The following FAM161A variants were observed in gnomAD, a reference collection of about 807,000 sequenced individuals.
FAM161A encodes the protein FAM161 centrosomal protein A.
FAM161A carries 57 observed loss-of-function variants against 70.9 expected under a neutral mutation model. The observed-to-expected ratio is 0.80, with a 90% CI of 0.65 to 1.00. The LOEUF (loss-of-function observed/expected upper bound fraction) is 1.00, where lower values mean the gene tolerates loss of function less well. FAM161A is among the 50% of genes least tolerant of loss of function. The pLI is 0.00. For missense variants in FAM161A, 880 were observed against 836.0 expected, an observed-to-expected ratio of 1.05 and a Z score of -0.65; for synonymous variants, 299 against 295.7, an observed-to-expected ratio of 1.01 and a Z score of -0.12.
chr2:61,814,100 G>C, the FAM161A span, among the ~76,000 whole-genome samples: 6 of 151,944 alleles, frequency 3.9e-5, no homozygotes, highest in African/African-American at 1.2e-4. Context: ...ACTCAGTCAG[G>C]GGGCAAAGGG....
chr2:61,836,109 T>C lies in FAM161A; in HGVS notation c.1752A>G (p.Arg584=). The C allele has an allele frequency of 6.3e-7, 1 of 1,599,986 alleles. No homozygotes were observed. The highest frequency in any genetic ancestry group is 1.1e-5 in the South Asian group (1 of 88,920). ...CTCTCATCCTTTCCTTTTCGCTCTT[T>C]CTAAAATTAAAGAAAAGCAATGGAA... is the stretch of plus-strand genomic sequence containing the variant. ...QISKSRVKCL[R]KSEKERMREY... is the part of the protein sequence containing the mutation. The change falls in exon 5 of 7, where the codon AGA becomes AGG. Residue 584 remains arginine, a splice_region_variant and synonymous_variant. Coordinates refer to ENST00000404929, the MANE Select transcript of FAM161A (RefSeq NM_001201543.2).
At chr2:61,802,087 A>T in the FAM161A span, among the ~76,000 whole-genome samples, 13 of 152,346 alleles carry the variant, frequency 8.5e-5, no homozygotes, top group East Asian at 2.5e-3. Context: ...AAACTTATTA[A>T]TCCCTAAAAG....
At chr2:61,803,098 T>C in the FAM161A span, 9 of 401,558 alleles carry the variant, frequency 2.2e-5, no homozygotes, top group East Asian at 1.8e-4. Flanking sequence ...TAGGACACAG[T>C]AACTATCCTA....
the FAM161A span, among the ~76,000 whole-genome samples, chr2:61,818,055 A>G: frequency 2.0e-5 from 3 of 148,018 alleles, no homozygotes; most frequent in South Asian, 6.4e-4. Context: ...TATACCTAAC[A>G]TTCAGATCCT....
In FAM161A at chr2:61,848,913, TATTTA is replaced by T. The variant is rs1673350443; in HGVS notation, c.183+4941_183+4945del. On this transcript the variant is annotated intron_variant, in intron 1 of 6. Coordinates refer to ENST00000404929, the MANE Select transcript of FAM161A (RefSeq NM_001201543.2). ...ATATATATTTATATATATATTTATA[TATTTA>T]TATATATTTATATATATATATTTAT... Among the ~76,000 whole-genome samples, 6 of 1,796 alleles carry T rather than the reference TATTTA, an allele frequency of 3.3e-3. 2 individuals are homozygous for T. The highest frequency in any genetic ancestry group is 0.028 in the African/African-American group (6 of 218). The allele number at this position is 1,796 out of a possible 152,430, so 1.2% of individuals were successfully genotyped here. A position where few individuals can be genotyped will look rare whatever the true frequency, so the allele number is the denominator to read the frequency against.
Position 61,824,864 on chromosome 2 carries a change from T to C in FAM161A, c.*1591A>G, listed in dbSNP as rs1270904744. ...AAAACCATATTCATCTACACACTCATTCAAACCTTTATTAAGTACCTACCA... is the reference window on the plus strand; with the variant it reads ...AAAACCATATTCATCTACACACTCACTCAAACCTTTATTAAGTACCTACCA... On this transcript the variant is annotated 3_prime_UTR_variant, in exon 7 of 7. Coordinates refer to ENST00000404929, the MANE Select transcript of FAM161A (RefSeq NM_001201543.2). The C allele has an allele frequency of 4.8e-6, 2 of 414,990 alleles. No individual in the cohort carries two copies. Among genetic ancestry groups the C allele is most frequent in the East Asian group, 7.0e-5 (1 of 14,316 alleles). 25.7% of individuals were successfully genotyped at this position (414,990 alleles called of 1,614,324 possible).
Position 61,853,823 on chromosome 2 carries a change from T to G in FAM161A, c.183+36A>C. 4 of 1,612,616 alleles carry G rather than the reference T, an allele frequency of 2.5e-6. No individual in the cohort carries two copies. In the South Asian group the frequency reaches 4.4e-5, roughly 18 times the overall value. ...CAGCCCTCAGCCTGCACCCAGCCCA[T>G]GCGAGGTCCCAGCCCAAGTCCCGCC... On this transcript the variant is annotated intron_variant, in intron 1 of 6. Transcript: ENST00000404929.
rs2105084077 is a variant in FAM161A, at chr2:61,840,589, A to C, written c.423-8T>G. 2 of 1,557,916 alleles carry C rather than the reference A, an allele frequency of 1.3e-6. No homozygotes were observed. The highest frequency in any genetic ancestry group is 1.8e-6 in the Non-Finnish European group (2 of 1,129,126). On this transcript the variant is annotated splice_polypyrimidine_tract_variant and splice_region_variant and intron_variant, in intron 2 of 6. Transcript: ENST00000404929. ...TTCTTTTCTGATACAGATCTAAATG[A>C]GAAGAATAACTATGTTATACTTTCA...
At chr2:61,820,158 G>A (rs1672173918), downstream of FAM161A, 5 of 496,948 alleles carry the variant, frequency 1.0e-5, no homozygotes, top group African/African-American at 1.9e-5. Flanking sequence ...GTCCGTGGCC[G>A]CCACCAGGAA....
chr2:61,822,938 C>A (rs1210539213), downstream of FAM161A, among the ~76,000 whole-genome samples: 3 of 152,060 alleles, frequency 2.0e-5, no homozygotes, highest in African/African-American at 7.2e-5. Context: ...GAAATCTTTG[C>A]TATTCTCAAG....
At chr2:61,804,849 G>C in the FAM161A span, among the ~76,000 whole-genome samples, 1 of 141,686 alleles carries the variant, frequency 7.1e-6, no homozygotes, top group Non-Finnish European at 1.5e-5. Flanking sequence ...AAGCAAGGAA[G>C]AAGGGAGGGA....
At position 61,825,596 on chromosome 2, in the gene FAM161A, G is replaced by C. The variant is rs1186584430; in HGVS notation, c.*859C>G. The C allele has an allele frequency of 1.1e-5, 5 of 441,892 alleles. No homozygotes were observed. The highest frequency in any genetic ancestry group is 2.2e-5 in the Non-Finnish European group (5 of 223,884). 27.4% of individuals were successfully genotyped at this position (441,892 alleles called of 1,614,324 possible). On this transcript the variant is annotated 3_prime_UTR_variant, in exon 7 of 7. Transcript: ENST00000404929. ...GACAATTTAACAGTAAACTCTCAGT[G>C]CAAAAATAAATGTAAATTTGCAAGT...
At chr2:61,838,768 T>C in intron 3 of FAM161A, 63 bp from the exon 4 acceptor site, 1 of 1,221,874 alleles carries the variant, frequency 8.2e-7, no homozygotes, top group Non-Finnish European at 1.1e-6. Context: ...TTAGCAAAGA[T>C]TTAACATGGG....
rs533432544 is a variant in FAM161A at position 61,843,716 on chromosome 2, T to C, written c.184-1356A>G. ...AAGAGTCAATTATAAATAGTAGTTA[T>C]AGATGTGGTATTTTTGTTTCCCACT... On this transcript the variant is annotated intron_variant, in intron 1 of 6. Coordinates refer to ENST00000404929, the MANE Select transcript of FAM161A (RefSeq NM_001201543.2). Among the ~76,000 whole-genome samples the C allele has an allele frequency of 2.6e-5, 4 of 152,352 alleles. No individual in the cohort carries two copies. The East Asian group carries it at 7.7e-4, about 29-fold the overall frequency.
chr2:61,823,148 G>C (rs1262285203), downstream of FAM161A, among the ~76,000 whole-genome samples: 9 of 150,980 alleles, frequency 6.0e-5, no homozygotes, highest in Non-Finnish European at 8.9e-5. Context: ...GCCTGGCCAA[G>C]ATGGTGAAAT....
At chr2:61,823,764 A>G (rs1179262884), downstream of FAM161A, among the ~76,000 whole-genome samples, 2 of 152,150 alleles carry the variant, frequency 1.3e-5, no homozygotes, top group Non-Finnish European at 2.9e-5. Context: ...CTCTGCGGAA[A>G]TAAGTATGAA....
chr2:61,808,466 G>A, the FAM161A span, among the ~76,000 whole-genome samples: 1 of 151,938 alleles, frequency 6.6e-6, no homozygotes, highest in Non-Finnish European at 1.5e-5. Context: ...TAGAAACTGG[G>A]TTTCACCATG....
At chr2:61,849,970 G>GGGGA (rs747841140) in intron 1 of FAM161A, among the ~76,000 whole-genome samples, 53 of 151,650 alleles carry the variant, frequency 3.5e-4, no homozygotes, top group Non-Finnish European at 6.8e-4. Context: ...ACCACCAGGT[G>GGGGA]GGGAGGGAGG....
At chr2:61,842,830 G>A (rs543471716) in intron 1 of FAM161A, among the ~76,000 whole-genome samples, 1 of 152,288 alleles carries the variant, frequency 6.6e-6, no homozygotes, top group Non-Finnish European at 1.5e-5. Context: ...TGGAGAGAAG[G>A]CAGGGAAATA....
Sources: gnomAD v4.1 joint callset for allele counts (sites outside exome capture counted in the v4.1 genomes callset) on GRCh38, gnomAD v4.1.1 for gene constraint, MANE v1.5 for transcripts, NCBI Gene and HGNC (gene_info 2026-07-23, HGNC 2026-07-21) for gene names.